Variants in ZNF574 observed in about 807,000 individuals in gnomAD.
ZNF574 encodes zinc finger protein 574.
A neutral mutation model predicts 56.6 loss-of-function variants in ZNF574; 25 were observed. The ratio of observed to expected loss-of-function variants is 0.44; its 90% CI spans 0.32 to 0.62. The LOEUF is 0.62. ZNF574 is among the 20% of genes least tolerant of loss of function. The pLI is 0.04. For synonymous variants in ZNF574, 543 were observed against 492.1 expected (o/e 1.10, Z -1.37); for missense variants, 1,065 against 1,218.9 (o/e 0.87, Z 1.88).
rs1371046855 is a variant in ZNF574, at chr19:42,080,462, G to A, written c.1856G>A (p.Arg619His). ...CRECPRSFLL[R>H]RLLEVHQLVV... is the part of the protein sequence containing the mutation. Reference sequence around the variant, plus strand: ...GAGTGCCCCCGCTCCTTCTTGCTGCGTCGGCTGCTGGAGGTGCACCAGCTC... The same window carrying A: ...GAGTGCCCCCGCTCCTTCTTGCTGCATCGGCTGCTGGAGGTGCACCAGCTC... The change falls in exon 2 of 2, where the codon CGT (arginine) becomes CAT (histidine). Residue 619 changes from arginine to histidine, a missense_variant. Physicochemically the swap from Arg to His is conservative, Grantham distance 29. Transcript: ENST00000359044. The surrounding 1 kb of genome is among the most constrained non-coding windows in gnomAD (Gnocchi z 8.5). 8.1e-6 allele frequency: 13 copies of A among 1,614,044 alleles called. No individual in the cohort carries two copies. Among genetic ancestry groups the A allele is most frequent in the Non-Finnish European group, 9.3e-6 (11 of 1,180,018 alleles).
In ZNF574 at chr19:42,081,521, T is replaced by C; in HGVS notation, c.*224T>C. ...CTCTTAGCACTGGTGACCCCAAAAA[T>C]GAAACCATCAATAAAGACTGAGTTG... On this transcript the variant is annotated 3_prime_UTR_variant, in exon 2 of 2. Coordinates refer to ENST00000359044, the MANE Select transcript of ZNF574 (RefSeq NM_022752.6). The C allele has an allele frequency of 1.6e-6, 1 of 618,780 alleles. No homozygotes were observed. Among genetic ancestry groups the C allele is most frequent in the Non-Finnish European group, 2.9e-6 (1 of 341,190 alleles). 38.3% of individuals were successfully genotyped at this position (618,780 alleles called of 1,614,324 possible).
upstream of ZNF574, among the ~76,000 whole-genome samples, chr19:42,074,024 T>C (rs2076441253): frequency 6.6e-6 from 1 of 151,080 alleles, no homozygotes; most frequent in Non-Finnish European, 1.5e-5. Flanking sequence ...TCCCAGCTAC[T>C]CAGGAGGCTT....
In ZNF574 at chr19:42,080,329, C is replaced by T. The variant is rs1229311817; in HGVS notation, c.1723C>T (p.Gln575Ter). 1 of 1,614,158 alleles carries T rather than the reference C, an allele frequency of 6.2e-7. No homozygotes were observed. The highest frequency in any genetic ancestry group is 1.6e-4 in the Middle Eastern group (1 of 6,062). ...GAGGCAGCACCGCTTGGTGCATGCC[C>T]AGCACTTCCCCTACCGCTGCCAGGA... The part of the protein sequence containing the change: ...TLRQHRLVHA[Q>*]HFPYRCQECG... The change falls in exon 2 of 2, where the codon CAG (glutamine) becomes TAG (stop). Residue 575 changes from glutamine (Q) to a stop codon, truncating the protein, a stop_gained. Transcript: ENST00000359044. LOFTEE classifies it high-confidence loss of function. This position sits in a 1 kb window ranked among gnomAD's most constrained non-coding sequence, Gnocchi z 8.5.
exon 1 of ZNF574, chr19:42,068,768 G>C (rs1297503245): frequency 1.9e-6 from 1 of 531,626 alleles, no homozygotes; most frequent in Non-Finnish European, 3.4e-6. Flanking sequence ...AGTCAGAGAG[G>C]GGCCCAAGAG....
chr19:42,073,856 G>A (rs533865550), upstream of ZNF574, among the ~76,000 whole-genome samples: 617 of 147,734 alleles, frequency 4.2e-3, 6 homozygotes, highest in African/African-American at 0.015. Flanking sequence ...GGGACTGGGC[G>A]CAGTGGCTCA....
chr19:42,071,398 C>T (rs1452554900), upstream of ZNF574, among the ~76,000 whole-genome samples: 1 of 152,138 alleles, frequency 6.6e-6, no homozygotes, highest in Non-Finnish European at 1.5e-5. Flanking sequence ...GAGACACTGA[C>T]ACACTCACGT....
At position 42,078,704 on chromosome 19, in the gene ZNF574, T is replaced by C; in HGVS notation, c.98T>C (p.Met33Thr). The change falls in exon 2 of 2, where the codon ATG becomes ACG. Residue 33 changes from methionine to threonine, a missense_variant. Transcript: ENST00000359044. ...QLYGSLEEVLMHQNSHVPQQH... is the reference protein window; with the variant it reads ...QLYGSLEEVLTHQNSHVPQQH... ...TATGGATCACTGGAAGAGGTGCTTA[T>C]GCACCAAAACTCCCACGTGCCCCAG... 1.9e-6 allele frequency: 3 copies of C among 1,614,076 alleles called. No homozygotes were observed. The highest frequency in any genetic ancestry group is 1.6e-4 in the Middle Eastern group (1 of 6,062).
upstream of ZNF574, among the ~76,000 whole-genome samples, chr19:42,071,726 C>G (rs1182118770): frequency 6.6e-6 from 1 of 152,052 alleles, no homozygotes; most frequent in Non-Finnish European, 1.5e-5. Flanking sequence ...TCCTTTCGAC[C>G]AGGGCGGTGG....
upstream of ZNF574, among the ~76,000 whole-genome samples, chr19:42,071,271 G>C (rs1192887839): frequency 6.6e-6 from 1 of 150,862 alleles, no homozygotes; most frequent in Admixed American, 6.6e-5. Context: ...ATCTTGGAGT[G>C]GGGGTGGGTG....
chr19:42,081,340 G>A lies in ZNF574; in HGVS notation c.*43G>A, dbSNP rs1198705459. Reference sequence around the variant, plus strand: ...TTTGGCACCTCCATTCCCTGTTGCTGAAGGCCCTCCAGCATCCCCTTAAGC... The same window carrying A: ...TTTGGCACCTCCATTCCCTGTTGCTAAAGGCCCTCCAGCATCCCCTTAAGC... On this transcript the variant is annotated 3_prime_UTR_variant, in exon 2 of 2. Coordinates refer to ENST00000359044, the MANE Select transcript of ZNF574 (RefSeq NM_022752.6). The A allele has an allele frequency of 3.5e-5, 57 of 1,612,400 alleles. No individual in the cohort carries two copies. The highest frequency in any genetic ancestry group is 4.8e-5 in the Non-Finnish European group (57 of 1,178,724).
rs1217643332 is a variant in ZNF574, at chr19:42,080,480, A to C, written c.1874A>C (p.His625Pro). 6.2e-7 allele frequency: 1 copy of C among 1,613,932 alleles called. No individual in the cohort carries two copies. Among genetic ancestry groups the C allele is most frequent in the Non-Finnish European group, 8.5e-7 (1 of 1,180,004 alleles). The change falls in exon 2 of 2, where the codon CAC becomes CCC. Residue 625 changes from histidine to proline, a missense_variant. Transcript: ENST00000359044. The surrounding 1 kb of genome is among the most constrained non-coding windows in gnomAD (Gnocchi z 8.5). ...TTGCTGCGTCGGCTGCTGGAGGTGC[A>C]CCAGCTCGTGGTCCATGCCGGGCGC... Reference protein sequence around the residue: ...SFLLRRLLEVHQLVVHAGRQP... With the variant: ...SFLLRRLLEVPQLVVHAGRQP...
At chr19:42,072,020 A>C (rs1396442631), upstream of ZNF574, among the ~76,000 whole-genome samples, 2 of 151,350 alleles carry the variant, frequency 1.3e-5, no homozygotes, top group Non-Finnish European at 2.9e-5. Flanking sequence ...AAAAACAAAA[A>C]ACAAAAACCA....
upstream of ZNF574, chr19:42,075,314 C>T (rs1428647830): frequency 6.6e-6 from 1 of 152,502 alleles, no homozygotes; most frequent in Non-Finnish European, 1.5e-5. Context: ...GGGTCAGAGT[C>T]ACCCCGGAAG....
At position 42,078,680 on chromosome 19, in the gene ZNF574, A is replaced by G. The variant is rs773380489; in HGVS notation, c.74A>G (p.Tyr25Cys). ...GTCTGCTCTGAGTGCAACCAGCTGT[A>G]TGGATCACTGGAAGAGGTGCTTATG... ...RYVCSECNQLYGSLEEVLMHQ... is the reference protein window; with the variant it reads ...RYVCSECNQLCGSLEEVLMHQ... The change falls in exon 2 of 2, where the codon TAT (tyrosine) becomes TGT (cysteine). Residue 25 changes from tyrosine to cysteine, a missense_variant. Coordinates refer to ENST00000359044, the MANE Select transcript of ZNF574 (RefSeq NM_022752.6). 6.2e-7 allele frequency: 1 copy of G among 1,614,028 alleles called. No homozygotes were observed. Among genetic ancestry groups the G allele is most frequent in the South Asian group, 1.1e-5 (1 of 91,080 alleles).
chr19:42,074,886 G>A (rs1307698405), upstream of ZNF574: 6 of 152,302 alleles, frequency 3.9e-5, no homozygotes, highest in East Asian at 5.8e-4. Flanking sequence ...GTCTGGAAAT[G>A]TTTCTTTTCT....
In ZNF574 at chr19:42,079,476, G is replaced by A. The variant is rs2076480166; in HGVS notation, c.870G>A (p.Gly290=). The change falls in exon 2 of 2, where the codon GGG becomes GGA. Residue 290 remains glycine (G), a synonymous_variant. Coordinates refer to ENST00000359044, the MANE Select transcript of ZNF574 (RefSeq NM_022752.6). The surrounding 1 kb of genome is among the most constrained non-coding windows in gnomAD (Gnocchi z 4.3). The part of the protein sequence containing the change: ...NGEAIGRDRR[G]RRARRNNSGE... ...AAGCCATTGGGCGGGATCGCCGGGG[G>A]CGCAGGGCCCGGAGGAACAACAGTG... is the stretch of plus-strand genomic sequence containing the variant. The A allele has an allele frequency of 1.9e-6, 3 of 1,613,662 alleles. No homozygotes were observed. Among genetic ancestry groups the A allele is most frequent in the Non-Finnish European group, 2.5e-6 (3 of 1,180,034 alleles).
At chr19:42,069,666 G>A (rs1386339775) in intron 1 of ZNF574, among the ~76,000 whole-genome samples, 1 of 151,368 alleles carries the variant, frequency 6.6e-6, no homozygotes, top group Non-Finnish European at 1.5e-5. Context: ...GGGGCCACAG[G>A]GGGCGAGGAC....
chr19:42,080,613 T>G lies in ZNF574; in HGVS notation c.2007T>G (p.Cys669Trp), dbSNP rs758195020. 1 of 1,612,820 alleles carries G rather than the reference T, an allele frequency of 6.2e-7. No individual in the cohort carries two copies. The highest frequency in any genetic ancestry group is 8.5e-7 in the Non-Finnish European group (1 of 1,179,870). ...AAAQAPRRFE[C>W]GTCGKKVGSA... ...CCCAGGCCCCACGGCGCTTTGAGTG[T>G]GGCACCTGTGGCAAGAAAGTGGGCT... The change falls in exon 2 of 2, where the codon TGT becomes TGG. Residue 669 changes from cysteine (C) to tryptophan (W), a missense_variant. Coordinates refer to ENST00000359044, the MANE Select transcript of ZNF574 (RefSeq NM_022752.6). The surrounding 1 kb of genome is among the most constrained non-coding windows in gnomAD (Gnocchi z 8.5).
chr19:42,071,717 C>T (rs1056793731), upstream of ZNF574, among the ~76,000 whole-genome samples: 1 of 152,146 alleles, frequency 6.6e-6, no homozygotes, highest in Admixed American at 6.6e-5. Flanking sequence ...AGAACACCAT[C>T]CTTTCGACCA....
Sources: allele counts gnomAD v4.1 joint callset (sites outside exome capture counted in the v4.1 genomes callset), GRCh38; gene constraint gnomAD v4.1.1; non-coding constraint Gnocchi (gnomAD v3.1); transcripts MANE v1.5; gene names NCBI Gene and HGNC (gene_info 2026-07-23, HGNC 2026-07-21).